Variants in WWOX observed in about 807,000 individuals in gnomAD.
The protein encoded by WWOX is WW domain-containing oxidoreductase.
WWOX carries 69 observed loss-of-function variants against 46.2 expected under a neutral mutation model. The ratio of observed to expected loss-of-function variants is 1.49; its 90% confidence interval spans 1.23 to 1.82. The LOEUF (loss-of-function observed/expected upper bound fraction) is 1.82, where lower values mean the gene tolerates loss of function less well. WWOX is among the 40% of genes most tolerant of loss of function. The probability of loss-of-function intolerance (pLI) is 0.00; values close to 1 mark genes in which losing one functional copy is unlikely to be tolerated. For synonymous variants in WWOX, 359 were observed against 202.6 expected, an observed-to-expected ratio of 1.77 and a Z score of -6.56; for missense variants, 919 against 542.6, an observed-to-expected ratio of 1.69 and a Z score of -6.89.
At chr16:79,032,538 T>C (rs974822125) in intron 8 of WWOX, among the ~76,000 whole-genome samples, 3 of 148,406 alleles carry the variant, frequency 2.0e-5, no homozygotes, top group Admixed American at 6.8e-5. Context: ...TAGTCTAGTA[T>C]ATATTATACA....
intron 1 of WWOX, among the ~76,000 whole-genome samples, chr16:78,102,168 C>G (rs902512673): frequency 4.3e-4 from 66 of 152,280 alleles, no homozygotes; most frequent in African/African-American, 1.5e-3. Flanking sequence ...CAGCCTCCCT[C>G]CCGAAGCACT....
chr16:79,022,793 C>T (rs1171058696), intron 8 of WWOX, among the ~76,000 whole-genome samples: 1 of 152,218 alleles, frequency 6.6e-6, no homozygotes, highest in Non-Finnish European at 1.5e-5. Flanking sequence ...TGCTCAGAAG[C>T]ACCCAGGGAT....
intron 8 of WWOX, among the ~76,000 whole-genome samples, chr16:78,863,285 A>G (rs551575771): frequency 2.0e-5 from 3 of 152,292 alleles, no homozygotes; most frequent in African/African-American, 4.8e-5. Context: ...CTTGGAAACA[A>G]TGAGCAGACA....
In WWOX at chr16:78,804,238, C is replaced by G. The variant is rs375253558; in HGVS notation, c.1056+371486C>G. Among the ~76,000 whole-genome samples the G allele has an allele frequency of 9.9e-5, 15 of 152,218 alleles. 1 individual carries two copies. The highest frequency in any genetic ancestry group is 3.1e-4 in the African/African-American group (13 of 41,550). The stretch of plus-strand genomic sequence containing the variant: ...TGCCTTCCCCTGAACACAGTGCGCC[C>G]TCACTAATAAATTCTGAGGGCTGAC... On this transcript the variant is annotated intron_variant, in intron 8 of 8. Coordinates refer to ENST00000566780, the MANE Select transcript of WWOX (RefSeq NM_016373.4).
intron 8 of WWOX, among the ~76,000 whole-genome samples, chr16:78,906,394 C>T (rs1005398597): frequency 3.3e-5 from 5 of 152,146 alleles, no homozygotes; most frequent in African/African-American, 1.2e-4. Flanking sequence ...TAAGGATTTC[C>T]TCTCCTTCCT....
intron 8 of WWOX, chr16:78,890,143 A>C (rs1331928924): frequency 6.6e-6 from 1 of 152,194 alleles, no homozygotes; most frequent in Non-Finnish European, 1.5e-5. Context: ...AAACAACATC[A>C]ATGTCATAAC....
chr16:78,913,217 G>C (rs2045157196), intron 8 of WWOX, among the ~76,000 whole-genome samples: 2 of 152,110 alleles, frequency 1.3e-5, no homozygotes, highest in African/African-American at 2.4e-5. Flanking sequence ...GTGGGCTTGA[G>C]ATAATTCTCG....
chr16:78,424,242 T>C (rs1049282685), intron 6 of WWOX, among the ~76,000 whole-genome samples: 2 of 151,146 alleles, frequency 1.3e-5, no homozygotes, highest in Non-Finnish European at 2.9e-5. Flanking sequence ...CTCAGCCTCC[T>C]GAGTAACTGG....
intron 8 of WWOX, among the ~76,000 whole-genome samples, chr16:79,097,173 G>T (rs988657930): frequency 2.0e-5 from 3 of 152,060 alleles, no homozygotes; most frequent in South Asian, 2.1e-4. Context: ...TGGGTCAGTG[G>T]ATTCACAGAG....
intron 8 of WWOX, among the ~76,000 whole-genome samples, chr16:78,442,947 C>A (rs968615060): frequency 2.0e-5 from 3 of 151,784 alleles, no homozygotes; most frequent in Non-Finnish European, 2.9e-5. Context: ...ATGGTGAAAC[C>A]CTGTCTCTAC....
chr16:78,831,125 G>C (rs531112225), intron 8 of WWOX, among the ~76,000 whole-genome samples: 3 of 152,318 alleles, frequency 2.0e-5, no homozygotes, highest in African/African-American at 7.2e-5. Context: ...CAGCCTGGCT[G>C]GTGGAGGGGC....
At chr16:78,554,309 T>A (rs936487950) in intron 8 of WWOX, among the ~76,000 whole-genome samples, 4 of 152,100 alleles carry the variant, frequency 2.6e-5, no homozygotes, top group Non-Finnish European at 5.9e-5. Flanking sequence ...TAGTGTTCCA[T>A]TATTGGAACA....
At chr16:78,750,113 GGAA>G (rs1217168898) in intron 8 of WWOX, among the ~76,000 whole-genome samples, 1 of 152,174 alleles carries the variant, frequency 6.6e-6, no homozygotes, top group Admixed American at 6.5e-5. Flanking sequence ...TTAAAAACAA[GGAA>G]GAAGAGAAAT....
chr16:78,428,232 G>C (rs896307120), intron 7 of WWOX, among the ~76,000 whole-genome samples: 5 of 152,206 alleles, frequency 3.3e-5, no homozygotes, highest in African/African-American at 4.8e-5. Context: ...TAATTGTTTG[G>C]CTTTGTCAGT....
Position 78,851,098 on chromosome 16 carries a change from C to A in WWOX, c.1057-360510C>A, listed in dbSNP as rs116688613. 8.7e-3 allele frequency among the ~76,000 whole-genome samples: 1,324 copies of A among 152,230 alleles called. 21 individuals are homozygous for A. Among genetic ancestry groups the A allele is most frequent in the African/African-American group, 0.031 (1,268 of 41,540 alleles). On this transcript the variant is annotated intron_variant, in intron 8 of 8. Transcript: ENST00000566780. ...GGCCAGGTGACTTAATTTCCAGAAG[C>A]TTGCCTGTGGTATTTACCTTGATGA...
At chr16:78,877,879 C>G (rs959891131) in intron 8 of WWOX, among the ~76,000 whole-genome samples, 1 of 152,094 alleles carries the variant, frequency 6.6e-6, no homozygotes, top group Non-Finnish European at 1.5e-5. Context: ...CCCAGCAGCC[C>G]AAAAAGCTAA....
At chr16:79,034,624 G>T (rs1307343043) in intron 8 of WWOX, among the ~76,000 whole-genome samples, 1 of 151,478 alleles carries the variant, frequency 6.6e-6, no homozygotes, top group Non-Finnish European at 1.5e-5. Flanking sequence ...TGTCTCAAAG[G>T]CATTAATCTT....
chr16:78,686,859 C>T (rs780958633), intron 8 of WWOX, among the ~76,000 whole-genome samples: 1 of 152,156 alleles, frequency 6.6e-6, no homozygotes, highest in Non-Finnish European at 1.5e-5. Flanking sequence ...CCCAGGAAGG[C>T]AGTGTTCTTC....
chr16:78,617,634 G>C (rs1340237231), intron 8 of WWOX, among the ~76,000 whole-genome samples: 1 of 152,106 alleles, frequency 6.6e-6, no homozygotes, highest in Non-Finnish European at 1.5e-5. Context: ...TCCCAAACTA[G>C]AAGTGAGTCC....
Sources: allele counts gnomAD v4.1 joint callset (sites outside exome capture counted in the v4.1 genomes callset), GRCh38; gene constraint gnomAD v4.1.1; transcripts MANE v1.5; gene names NCBI Gene and HGNC (gene_info 2026-07-23, HGNC 2026-07-21).